Variants in GDPD5 observed in about 807,000 individuals in gnomAD.
The protein encoded by GDPD5 is glycerophosphodiester phosphodiesterase 2.
GDPD5 carries 48 observed loss-of-function variants against 75.1 expected under a neutral mutation model. That is an observed-to-expected ratio of 0.64 (90% CI 0.51 to 0.81). GDPD5 has a LOEUF of 0.81. Ranked by LOEUF, GDPD5 falls within the 40% of genes least tolerant of loss-of-function variation. The pLI is 0.00. For missense variants in GDPD5, 706 were observed against 822.6 expected (o/e 0.86, Z 1.73); for synonymous variants, 336 against 339.0 (o/e 0.99, Z 0.10).
At chr11:75,494,812 C>T (rs1415114012) in intron 1 of GDPD5, among the ~76,000 whole-genome samples, 3 of 151,504 alleles carry the variant, frequency 2.0e-5, no homozygotes, top group African/African-American at 7.3e-5. Context: ...AATAGCTGGG[C>T]GTGGTGGCAT....
At chr11:75,472,015 C>A (rs1183270311) in intron 3 of GDPD5, among the ~76,000 whole-genome samples, 1 of 152,136 alleles carries the variant, frequency 6.6e-6, no homozygotes, top group African/African-American at 2.4e-5. Flanking sequence ...TTCCTCAAAG[C>A]GCTGAAGGAG....
Position 75,441,888 on chromosome 11 carries a change from T to G in GDPD5, c.1168-85A>C, listed in dbSNP as rs144047904. The G allele has an allele frequency of 4.4e-4, 598 of 1,357,284 alleles. 1 individual carries two copies. In the African/African-American group the frequency reaches 7.0e-3, roughly 16 times the overall value. 84.1% of individuals were successfully genotyped at this position (1,357,284 alleles called of 1,614,324 possible). ...ACTCCTCCTAGAGCACCTGTGGGGT[T>G]AAGAGACAGGACCTGGCAGGCGGTG... is the stretch of plus-strand genomic sequence containing the variant. On this transcript the variant is annotated intron_variant, in intron 12 of 16. Transcript: ENST00000336898.
intron 6 of GDPD5, chr11:75,452,282 C>G (rs1949180883): frequency 6.6e-6 from 1 of 152,226 alleles, no homozygotes; most frequent in African/African-American, 2.4e-5. Context: ...GCTCTGCTAC[C>G]TACTGGGGAT....
intron 3 of GDPD5, among the ~76,000 whole-genome samples, chr11:75,472,359 C>T (rs976480874): frequency 6.6e-6 from 1 of 152,196 alleles, no homozygotes; most frequent in African/African-American, 2.4e-5. Flanking sequence ...GCCCTGATTT[C>T]CTGAGTGGGA....
At chr11:75,507,341 C>T (rs1007878693) in intron 1 of GDPD5, among the ~76,000 whole-genome samples, 1 of 152,276 alleles carries the variant, frequency 6.6e-6, no homozygotes, top group African/African-American at 2.4e-5. Flanking sequence ...CCTCACCCTG[C>T]TTTGCTGTAG....
chr11:75,486,939 C>T (rs1285134293), intron 2 of GDPD5, among the ~76,000 whole-genome samples: 1 of 152,134 alleles, frequency 6.6e-6, no homozygotes, highest in East Asian at 1.9e-4. Context: ...ATTGGGGCTT[C>T]TCCCAGGGCA....
intron 3 of GDPD5, among the ~76,000 whole-genome samples, chr11:75,466,204 T>A (rs751840495): frequency 3.9e-5 from 6 of 152,028 alleles, no homozygotes; most frequent in Non-Finnish European, 8.8e-5. Context: ...TGAGCTGGGG[T>A]TGGGGCAACC....
intron 1 of GDPD5, among the ~76,000 whole-genome samples, chr11:75,491,915 C>T (rs934932221): frequency 2.0e-5 from 3 of 152,174 alleles, no homozygotes; most frequent in South Asian, 4.1e-4. Flanking sequence ...GCCCCTCCCC[C>T]CATTAGACAG....
At chr11:75,454,416 C>T (rs766380098) in intron 6 of GDPD5, among the ~76,000 whole-genome samples, 3 of 152,202 alleles carry the variant, frequency 2.0e-5, no homozygotes, top group African/African-American at 7.2e-5. Flanking sequence ...GAGCATGAAT[C>T]GGAGGCACTT....
At chr11:75,481,129 T>A (rs1949906963) in intron 2 of GDPD5, among the ~76,000 whole-genome samples, 1 of 152,144 alleles carries the variant, frequency 6.6e-6, no homozygotes, top group African/African-American at 2.4e-5. Flanking sequence ...CTGACCAAAG[T>A]GCAGGGAGGG....
chr11:75,442,695 C>G (rs1948857395), intron 11 of GDPD5, 114 bp from the exon 12 acceptor site: 1 of 899,366 alleles, frequency 1.1e-6, no homozygotes, highest in African/African-American at 1.7e-5. Context: ...CTGCTGGGGT[C>G]AGGCAGATTG....
chr11:75,522,107 C>T (rs1037048137), intron 1 of GDPD5, among the ~76,000 whole-genome samples: 1 of 152,074 alleles, frequency 6.6e-6, no homozygotes, highest in Non-Finnish European at 1.5e-5. Context: ...GCTTACCACG[C>T]TATCCCACCT....
intron 3 of GDPD5, among the ~76,000 whole-genome samples, chr11:75,463,181 C>T (rs1020291242): frequency 1.3e-5 from 2 of 152,220 alleles, no homozygotes; most frequent in Non-Finnish European, 2.9e-5. Flanking sequence ...GTACTGCTCT[C>T]CCTATTCTGG....
intron 4 of GDPD5, among the ~76,000 whole-genome samples, chr11:75,459,791 C>G (rs1263912850): frequency 6.5e-5 from 9 of 138,906 alleles, no homozygotes; most frequent in Non-Finnish European, 1.1e-4. Context: ...GCCTGGGTGA[C>G]AGAGCGAGAC....
chr11:75,442,729 G>A (rs372252128), intron 11 of GDPD5, 148 bp from the exon 12 acceptor site: 3 of 686,926 alleles, frequency 4.4e-6, no homozygotes, highest in Non-Finnish European at 7.3e-6. Context: ...TGTGGAGGCT[G>A]TAGGAGGCCC....
rs1195796568 is a variant in GDPD5, at chr11:75,486,969, C to T, written c.-61+3268G>A. Among the ~76,000 whole-genome samples, 4 of 152,344 alleles carry T rather than the reference C, an allele frequency of 2.6e-5. No individual in the cohort carries two copies. In the South Asian group the frequency reaches 6.2e-4, roughly 24 times the overall value. ...AGGGCAGAGGGCATCCCAAACAGCTCACCAAGTGGACCGTTTCCCAAAACA... is the reference window on the plus strand; with the variant it reads ...AGGGCAGAGGGCATCCCAAACAGCTTACCAAGTGGACCGTTTCCCAAAACA... On this transcript the variant is annotated intron_variant, in intron 2 of 16. Coordinates refer to ENST00000336898, the MANE Select transcript of GDPD5 (RefSeq NM_030792.8).
chr11:75,462,259 C>T (rs1274296335), intron 4 of GDPD5, among the ~76,000 whole-genome samples: 1 of 152,158 alleles, frequency 6.6e-6, no homozygotes, highest in African/African-American at 2.4e-5. Flanking sequence ...GAAGGAATGC[C>T]CTGTGTCTCC....
chr11:75,441,301 C>T lies in GDPD5; in HGVS notation c.1335G>A (p.Ala445=), dbSNP rs749265714. ...QVSRQELRDY[A]SWNLSVNLYT... is the part of the protein sequence containing the mutation. The stretch of plus-strand genomic sequence containing the variant: ...AGAGGTTCACACTCAGGTTCCAGGA[C>T]GCGTAGTCCCTGTGGGGCAGGGGAG... The change falls in exon 14 of 17, where the codon GCG becomes GCA. Residue 445 remains alanine, a synonymous_variant. Transcript: ENST00000336898. 3.7e-5 allele frequency: 60 copies of T among 1,614,014 alleles called. No individual in the cohort carries two copies. Among genetic ancestry groups the T allele is most frequent in the Middle Eastern group, 1.6e-4 (1 of 6,084 alleles).
chr11:75,477,163 T>A (rs1949796707), intron 3 of GDPD5, among the ~76,000 whole-genome samples: 2 of 152,220 alleles, frequency 1.3e-5, no homozygotes. Flanking sequence ...GTGCACCTGC[T>A]GCCAGCTCTG....
Sources: allele counts gnomAD v4.1 joint callset (sites outside exome capture counted in the v4.1 genomes callset), GRCh38; gene constraint gnomAD v4.1.1; transcripts MANE v1.5; gene names NCBI Gene and HGNC (gene_info 2026-07-23, HGNC 2026-07-21).